The following PLCB4 variants were observed in gnomAD, a reference collection of about 807,000 sequenced individuals.
The protein encoded by PLCB4 is 1-phosphatidylinositol 4,5-bisphosphate phosphodiesterase beta-4.
PLCB4 carries 77 observed loss-of-function variants against 178.8 expected under a neutral mutation model. That is an observed-to-expected ratio of 0.43 (90% CI 0.36 to 0.52). PLCB4 has a LOEUF of 0.52. Ranked by LOEUF, PLCB4 falls within the 20% of genes least tolerant of loss-of-function variation. PLCB4 has a pLI of 0.00. For synonymous variants in PLCB4, 496 were observed against 490.8 expected (o/e 1.01, Z -0.14); for missense variants, 1,024 against 1,453.4 (o/e 0.70, Z 4.80).
intron 2 of PLCB4, among the ~76,000 whole-genome samples, chr20:9,117,898 A>T (rs1044608115): frequency 1.8e-4 from 28 of 152,128 alleles, no homozygotes; most frequent in Non-Finnish European, 5.9e-5. Context: ...CTTTTTGGTC[A>T]CATTCTTTTC....
chr20:9,097,286 T>G (rs1340878352), intron 2 of PLCB4, among the ~76,000 whole-genome samples: 1 of 146,650 alleles, frequency 6.8e-6, no homozygotes, highest in African/African-American at 2.5e-5. Flanking sequence ...TTCTGAAATA[T>G]GGACTGGCTC....
chr20:9,329,119 C>A (rs2031223610), intron 4 of PLCB4, among the ~76,000 whole-genome samples: 1 of 152,158 alleles, frequency 6.6e-6, no homozygotes, highest in Non-Finnish European at 1.5e-5. Context: ...CACGTGGTGA[C>A]AAAGAAAAGG....
At chr20:9,294,659 T>G (rs1331811241) in intron 3 of PLCB4, among the ~76,000 whole-genome samples, 10 of 152,118 alleles carry the variant, frequency 6.6e-5, no homozygotes, top group African/African-American at 2.4e-4. Flanking sequence ...CTTTTTTCCT[T>G]TTTGCTGGAG....
chr20:9,337,341 A>C (rs1049335879), intron 5 of PLCB4, 135 bp downstream of exon 5: 1 of 664,152 alleles, frequency 1.5e-6, no homozygotes, highest in African/African-American at 1.8e-5. Context: ...ATGTGCCTAC[A>C]TGTGCCAGGC....
At chr20:9,252,179 T>C (rs1033669462) in intron 3 of PLCB4, among the ~76,000 whole-genome samples, 12 of 152,144 alleles carry the variant, frequency 7.9e-5, no homozygotes, top group African/African-American at 2.9e-4. Flanking sequence ...AAAATTAAAA[T>C]AAATTGAAAA....
chr20:9,209,654 A>T (rs2093651404), intron 2 of PLCB4, among the ~76,000 whole-genome samples: 1 of 152,126 alleles, frequency 6.6e-6, no homozygotes, highest in Non-Finnish European at 1.5e-5. Context: ...CCCCCAGCCG[A>T]CAGCCTGAGT....
intron 4 of PLCB4, among the ~76,000 whole-genome samples, chr20:9,328,766 G>T (rs1292325191): frequency 2.0e-5 from 3 of 152,182 alleles, no homozygotes; most frequent in Admixed American, 2.0e-4. Context: ...GTTTGTCTGG[G>T]GTAATACCCG....
chr20:9,305,535 T>C (rs935641372), intron 3 of PLCB4, among the ~76,000 whole-genome samples: 37 of 152,132 alleles, frequency 2.4e-4, no homozygotes, highest in African/African-American at 8.4e-4. Context: ...ATATTTTTTC[T>C]TTTCTACTTT....
intron 24 of PLCB4, among the ~76,000 whole-genome samples, 194 bp downstream of exon 24, chr20:9,409,375 T>C (rs1402076204): frequency 6.6e-6 from 1 of 152,062 alleles, no homozygotes; most frequent in Non-Finnish European, 1.5e-5. Context: ...TGGTAGAAGA[T>C]AATGTGTTGT....
chr20:9,185,620 C>T (rs1289913720), intron 2 of PLCB4, among the ~76,000 whole-genome samples: 1 of 152,168 alleles, frequency 6.6e-6, no homozygotes, highest in African/African-American at 2.4e-5. Context: ...TCCTGAGCCT[C>T]CCTGCTCAGA....
In PLCB4 at chr20:9,306,972, C is replaced by T. The variant is rs567056225; in HGVS notation, c.-15-828C>T. 8.5e-5 allele frequency among the ~76,000 whole-genome samples: 13 copies of T among 152,194 alleles called. No homozygotes were observed. In the South Asian group the frequency reaches 1.0e-3, roughly 12 times the overall value. ...TCAAGCTCACAGGCAATTTAAATGG[C>T]GAGTAAGACAGGGTTTCATTGGGTA... On this transcript the variant is annotated intron_variant, in intron 3 of 39. Transcript: ENST00000378473.
At chr20:9,261,278 C>T (rs1189216684) in intron 3 of PLCB4, among the ~76,000 whole-genome samples, 3 of 151,888 alleles carry the variant, frequency 2.0e-5, no homozygotes, top group Non-Finnish European at 4.4e-5. Context: ...CTTCTCTAAT[C>T]ATATATGTGC....
intron 2 of PLCB4, among the ~76,000 whole-genome samples, chr20:9,112,666 A>G (rs1409805603): frequency 1.3e-5 from 2 of 152,160 alleles, no homozygotes; most frequent in African/African-American, 4.8e-5. Flanking sequence ...CTTTTGTTTT[A>G]TAAACAGCTT....
intron 3 of PLCB4, among the ~76,000 whole-genome samples, chr20:9,300,504 C>T (rs1174985167): frequency 6.6e-6 from 1 of 152,070 alleles, no homozygotes; most frequent in Non-Finnish European, 1.5e-5. Context: ...ATGAAGAACA[C>T]CTTGTTTGGC....
At chr20:9,096,803 C>T (rs1323016429) in intron 2 of PLCB4, among the ~76,000 whole-genome samples, 3 of 152,106 alleles carry the variant, frequency 2.0e-5, no homozygotes. Context: ...TTGCTGCATA[C>T]TTTGTCAGCT....
intron 13 of PLCB4, among the ~76,000 whole-genome samples, chr20:9,383,350 T>G (rs1276132965): frequency 6.6e-6 from 1 of 152,250 alleles, no homozygotes; most frequent in African/African-American, 2.4e-5. Context: ...AATGTTGAGA[T>G]CTGACCACAC....
chr20:9,466,672 T>A (rs1472645187), intron 35 of PLCB4, among the ~76,000 whole-genome samples: 1 of 152,004 alleles, frequency 6.6e-6, no homozygotes. Flanking sequence ...AACAGACACA[T>A]GAAAAAATGC....
chr20:9,258,019 T>A (rs36044381), intron 3 of PLCB4, among the ~76,000 whole-genome samples: 8,156 of 150,944 alleles, frequency 0.054, 254 homozygotes, highest in South Asian at 0.13. Context: ...GAACCAAGAG[T>A]TGGAAAAAAA....
At chr20:9,224,469 C>T (rs954267640) in intron 3 of PLCB4, among the ~76,000 whole-genome samples, 6 of 152,188 alleles carry the variant, frequency 3.9e-5, no homozygotes, top group African/African-American at 1.4e-4. Context: ...ACACCAACCC[C>T]AGCTGTTCTC....
Sources: gnomAD v4.1 joint callset for allele counts (sites outside exome capture counted in the v4.1 genomes callset) on GRCh38, gnomAD v4.1.1 for gene constraint, MANE v1.5 for transcripts, NCBI Gene and HGNC (gene_info 2026-07-23, HGNC 2026-07-21) for gene names.